Variants in PRKG1 observed in about 807,000 individuals in gnomAD.
The protein encoded by PRKG1 is protein kinase cGMP-dependent 1.
Under a neutral mutation model 88.1 loss-of-function variants are expected in PRKG1, and 35 were observed. The ratio of observed to expected loss-of-function variants is 0.40; its 90% CI spans 0.30 to 0.53. PRKG1 has a LOEUF of 0.53. PRKG1 is among the 20% of genes least tolerant of loss of function. The pLI is 0.59. For missense variants in PRKG1, 540 were observed against 839.8 expected (o/e 0.64, Z 4.41); for synonymous variants, 303 against 292.5 (o/e 1.04, Z -0.37).
chr10:52,096,346 C>T (rs1230899610), intron 7 of PRKG1, among the ~76,000 whole-genome samples: 2 of 152,174 alleles, frequency 1.3e-5, no homozygotes, highest in Admixed American at 6.5e-5. Context: ...GGCTCACAGC[C>T]TGACATGGCA....
chr10:51,208,260 G>A (rs971007085), intron 2 of PRKG1, among the ~76,000 whole-genome samples: 1 of 151,962 alleles, frequency 6.6e-6, no homozygotes, highest in Admixed American at 6.6e-5. Context: ...AGAATAATAA[G>A]AACAAAATGT....
At chr10:51,196,987 T>C (rs1338097681) in intron 2 of PRKG1, among the ~76,000 whole-genome samples, 1 of 152,158 alleles carries the variant, frequency 6.6e-6, no homozygotes, top group Non-Finnish European at 1.5e-5. Flanking sequence ...CTTTGGCACT[T>C]CTGTTCTGCT....
intron 4 of PRKG1, among the ~76,000 whole-genome samples, chr10:51,839,849 A>G (rs2132772792): frequency 6.6e-6 from 1 of 152,290 alleles, no homozygotes; most frequent in South Asian, 2.1e-4. Context: ...AGTATTAGTT[A>G]CCCATTTGAA....
chr10:51,279,511 T>A (rs1404711996), intron 2 of PRKG1, among the ~76,000 whole-genome samples: 1 of 152,232 alleles, frequency 6.6e-6, no homozygotes, highest in African/African-American at 2.4e-5. Flanking sequence ...TGTGGGAGTC[T>A]AAGTCTCTTT....
chr10:52,105,272 T>C (rs978889334), intron 7 of PRKG1, among the ~76,000 whole-genome samples: 5 of 152,132 alleles, frequency 3.3e-5, no homozygotes, highest in African/African-American at 1.2e-4. Flanking sequence ...AGAAATTATA[T>C]GATGTCTGTA....
intron 2 of PRKG1, among the ~76,000 whole-genome samples, chr10:51,317,836 A>G (rs1841361599): frequency 6.6e-6 from 1 of 152,188 alleles, no homozygotes; most frequent in Non-Finnish European, 1.5e-5. Context: ...AGGGTCTCCA[A>G]AACCTGTCCC....
chr10:52,267,634 G>A (rs576781833), intron 10 of PRKG1, among the ~76,000 whole-genome samples: 83 of 152,054 alleles, frequency 5.5e-4, no homozygotes, highest in African/African-American at 2.0e-3. Context: ...TTCACATATA[G>A]ATGTGTGTGT....
intron 7 of PRKG1, among the ~76,000 whole-genome samples, chr10:52,072,158 C>CTTTTTTTTTTT (rs60576406): frequency 4.8e-4 from 19 of 39,564 alleles, no homozygotes; most frequent in African/African-American, 5.6e-4. Flanking sequence ...TATTGTTTTG[C>CTTTTTTTTTTT]TTTTTTTTTT....
At chr10:51,024,925 G>A (rs1225720349) in intron 1 of PRKG1, among the ~76,000 whole-genome samples, 2 of 152,046 alleles carry the variant, frequency 1.3e-5, no homozygotes, top group Admixed American at 6.5e-5. Context: ...CATGAGATTT[G>A]GGCAGGGGAC....
At chr10:51,412,213 GAA>G (rs34232191) in intron 2 of PRKG1, among the ~76,000 whole-genome samples, 29,623 of 119,892 alleles carry the variant, frequency 0.25, 3,480 homozygotes, top group Non-Finnish European at 0.3. Context: ...GAGAGAGAGA[GAA>G]AGAAAGAGAG....
At chr10:51,539,216 T>C (rs1234188821) in intron 3 of PRKG1, among the ~76,000 whole-genome samples, 1 of 152,150 alleles carries the variant, frequency 6.6e-6, no homozygotes, top group Non-Finnish European at 1.5e-5. Context: ...CTAAATTCAT[T>C]GTTAGGATTT....
chr10:51,401,086 C>T (rs1837725817), intron 2 of PRKG1, among the ~76,000 whole-genome samples: 1 of 152,174 alleles, frequency 6.6e-6, no homozygotes, highest in Admixed American at 6.5e-5. Context: ...GTTAAATTTT[C>T]TATTACCTAC....
intron 2 of PRKG1, among the ~76,000 whole-genome samples, chr10:51,260,312 G>A (rs1013044774): frequency 2.6e-5 from 4 of 152,050 alleles, no homozygotes; most frequent in African/African-American, 9.7e-5. Context: ...GAGATCAATA[G>A]CCATTTATAT....
chr10:51,260,407 A>G (rs1246284591), intron 2 of PRKG1, among the ~76,000 whole-genome samples: 2 of 152,034 alleles, frequency 1.3e-5, no homozygotes, highest in African/African-American at 4.8e-5. Flanking sequence ...CTCCTAGATG[A>G]TTATTTTTTC....
intron 5 of PRKG1, among the ~76,000 whole-genome samples, chr10:51,998,572 T>C (rs1432449082): frequency 6.6e-6 from 1 of 152,228 alleles, no homozygotes; most frequent in Non-Finnish European, 1.5e-5. Flanking sequence ...CTGTTATATA[T>C]GCTGTTGCAA....
intron 2 of PRKG1, among the ~76,000 whole-genome samples, chr10:51,231,739 T>G (rs1221372583): frequency 6.6e-6 from 1 of 152,038 alleles, no homozygotes; most frequent in Admixed American, 6.6e-5. Context: ...CTACAACACT[T>G]CTAGATGTGA....
intron 6 of PRKG1, among the ~76,000 whole-genome samples, chr10:52,057,865 G>A (rs1450230850): frequency 3.3e-5 from 5 of 151,748 alleles, no homozygotes; most frequent in Non-Finnish European, 7.4e-5. Flanking sequence ...ATACATTATG[G>A]TGAAACCTCT....
At chr10:51,530,589 G>A (rs1417695477) in intron 3 of PRKG1, among the ~76,000 whole-genome samples, 8 of 152,048 alleles carry the variant, frequency 5.3e-5, no homozygotes, top group South Asian at 2.1e-4. Flanking sequence ...TGAGGTGACC[G>A]TCATCATGGT....
intron 3 of PRKG1, among the ~76,000 whole-genome samples, chr10:51,784,210 A>T (rs1838671220): frequency 6.6e-6 from 1 of 152,008 alleles, no homozygotes. Flanking sequence ...GTTGTGTTCT[A>T]ATAAAGATTA....
Sources: allele counts gnomAD v4.1 joint callset (sites outside exome capture counted in the v4.1 genomes callset), GRCh38; gene constraint gnomAD v4.1.1; transcripts MANE v1.5; gene names NCBI Gene and HGNC (gene_info 2026-07-23, HGNC 2026-07-21).